The following KPNA7 variants were observed in gnomAD, a reference collection of about 807,000 sequenced individuals.
KPNA7 encodes importin subunit alpha-8.
KPNA7 carries 54 observed loss-of-function variants against 53.7 expected under a neutral mutation model. The ratio of observed to expected loss-of-function variants is 1.01; its 90% confidence interval spans 0.81 to 1.26. The LOEUF is 1.26. KPNA7 is among the 50% of genes most tolerant of loss of function. The probability of loss-of-function intolerance (pLI) is 0.00; values close to 1 mark genes in which losing one functional copy is unlikely to be tolerated. For missense variants in KPNA7, 640 were observed against 644.5 expected (o/e 0.99, Z 0.07); for synonymous variants, 276 against 259.3 (o/e 1.06, Z -0.62).
the KPNA7 span, among the ~76,000 whole-genome samples, chr7:99,160,791 C>T: frequency 5.3e-5 from 8 of 152,180 alleles, no homozygotes; most frequent in African/African-American, 1.9e-4. Flanking sequence ...TCCCAATGAC[C>T]TCTGTCTTCT....
At chr7:99,171,311 T>TA (rs1798765264), downstream of KPNA7, among the ~76,000 whole-genome samples, 1 of 152,182 alleles carries the variant, frequency 6.6e-6, no homozygotes, top group African/African-American at 2.4e-5. Flanking sequence ...AGATACATAT[T>TA]AAAAGCCAGT....
At chr7:99,169,437 T>C (rs528258736), downstream of KPNA7, among the ~76,000 whole-genome samples, 55 of 151,538 alleles carry the variant, frequency 3.6e-4, no homozygotes, top group South Asian at 0.011. Context: ...CTGGCCAACA[T>C]GGTGAAACCC....
chr7:99,188,948 C>G (rs1789786538), intron 6 of KPNA7, among the ~76,000 whole-genome samples: 1 of 152,068 alleles, frequency 6.6e-6, no homozygotes, highest in African/African-American at 2.4e-5. Context: ...TCCCAACGTG[C>G]TGGGATTACA....
intron 1 of KPNA7, among the ~76,000 whole-genome samples, chr7:99,218,190 T>C (rs1226750653): frequency 1.3e-5 from 2 of 152,152 alleles, no homozygotes; most frequent in African/African-American, 4.8e-5. Flanking sequence ...TGGTAGAGAC[T>C]GGGCCTCGCT....
intron 3 of KPNA7, among the ~76,000 whole-genome samples, chr7:99,200,145 C>T (rs925183972): frequency 6.6e-6 from 1 of 152,184 alleles, no homozygotes; most frequent in African/African-American, 2.4e-5. Flanking sequence ...TCAAGTGATC[C>T]ATCCGCCTCA....
chr7:99,206,317 T>C (rs746874585), intron 2 of KPNA7, among the ~76,000 whole-genome samples: 1 of 151,790 alleles, frequency 6.6e-6, no homozygotes, highest in Non-Finnish European at 1.5e-5. Flanking sequence ...CCCGCCACCA[T>C]GCACATCTAA....
At position 99,186,729 on chromosome 7, in the gene KPNA7, T is replaced by A. The variant is rs568295838; in HGVS notation, c.901-1567A>T. ...CCACACTCCGGCCTTGGCAACAGAG[T>A]GAGACTTTGTCAAAAAACAACAACA... On this transcript the variant is annotated intron_variant, in intron 7 of 10. Coordinates refer to ENST00000327442, the MANE Select transcript of KPNA7 (RefSeq NM_001145715.3). Among the ~76,000 whole-genome samples, 14 of 151,034 alleles carry A rather than the reference T, an allele frequency of 9.3e-5. No homozygotes were observed. The South Asian group carries it at 2.5e-3, about 27-fold the overall frequency.
chr7:99,161,103 G>A, the KPNA7 span, among the ~76,000 whole-genome samples: 553 of 152,152 alleles, frequency 3.6e-3, 2 homozygotes, highest in Non-Finnish European at 4.8e-3. Flanking sequence ...CTCAAGTGAC[G>A]TGCTCACCTC....
intron 3 of KPNA7, among the ~76,000 whole-genome samples, chr7:99,199,125 G>A (rs1027881527): frequency 2.7e-5 from 4 of 145,804 alleles, no homozygotes; most frequent in Non-Finnish European, 5.9e-5. Flanking sequence ...TTCATGGACT[G>A]GAAGACTTAA....
intron 4 of KPNA7, among the ~76,000 whole-genome samples, chr7:99,195,741 C>T (rs906165305): frequency 6.6e-6 from 1 of 152,128 alleles, no homozygotes; most frequent in Non-Finnish European, 1.5e-5. Context: ...ACATAAGCCA[C>T]ATAGCTGGGC....
the KPNA7 span, among the ~76,000 whole-genome samples, chr7:99,167,929 T>C: frequency 0.93 from 139,614 of 149,978 alleles, 65,136 homozygotes; most frequent in East Asian, 1. Context: ...CATTACAATG[T>C]GATAATAAAG....
At chr7:99,158,478 A>G in the KPNA7 span, among the ~76,000 whole-genome samples, 110 of 151,782 alleles carry the variant, frequency 7.2e-4, no homozygotes, top group East Asian at 0.02. Context: ...TCATCTTCCA[A>G]TTCTGTTTTC....
At chr7:99,181,804 G>C in intron 9 of KPNA7, 79 bp downstream of exon 9, 1 of 1,269,876 alleles carries the variant, frequency 7.9e-7, no homozygotes, top group South Asian at 1.8e-5. Context: ...AGTACAACTT[G>C]AATTTTAAGA....
At chr7:99,177,760 G>C (rs1364701125) in intron 10 of KPNA7, among the ~76,000 whole-genome samples, 160 bp downstream of exon 10, 1 of 151,812 alleles carries the variant, frequency 6.6e-6, no homozygotes, top group African/African-American at 2.4e-5. Context: ...ATACAGCAGG[G>C]ATAGGCGAGA....
chr7:99,193,054 G>T lies in KPNA7; in HGVS notation c.601C>A (p.Pro201Thr). ...RDNVITSNAIPHLLALISPTL... is the reference protein window; with the variant it reads ...RDNVITSNAITHLLALISPTL... ...GGTGAAATCAAGGCTAGGAGATGTG[G>T]GATGGCATTGCTTGTGATGACGTTA... Residue 201 changes from proline to threonine, a missense_variant, in exon 6 of 11, where the codon CCA (proline) becomes ACA (threonine). Pro to Thr is a conservative substitution (Grantham distance 38). Coordinates refer to ENST00000327442, the MANE Select transcript of KPNA7 (RefSeq NM_001145715.3). 1 of 1,511,548 alleles carries T rather than the reference G, an allele frequency of 6.6e-7. No individual in the cohort carries two copies. The highest frequency in any genetic ancestry group is 1.3e-5 in the South Asian group (1 of 75,370). The allele number at this position is 1,511,548 out of a possible 1,614,324, so 93.6% of individuals were successfully genotyped here.
At chr7:99,190,670 G>GTTTTTTT (rs768586879) in intron 6 of KPNA7, among the ~76,000 whole-genome samples, 1 of 145,506 alleles carries the variant, frequency 6.9e-6, no homozygotes. Flanking sequence ...TTTTTTTTTG[G>GTTTTTTT]GGGGAGACAG....
At chr7:99,196,853 A>T (rs1790253661) in intron 3 of KPNA7, among the ~76,000 whole-genome samples, 1 of 152,206 alleles carries the variant, frequency 6.6e-6, no homozygotes, top group Non-Finnish European at 1.5e-5. Flanking sequence ...TTTGACTCAG[A>T]GCTTAGTCAG....
At chr7:99,160,251 C>A in the KPNA7 span, among the ~76,000 whole-genome samples, 2 of 152,008 alleles carry the variant, frequency 1.3e-5, no homozygotes, top group Non-Finnish European at 2.9e-5. Context: ...TGGTCTCAAT[C>A]TCCTGACCTC....
chr7:99,198,261 A>G (rs1790329231), intron 3 of KPNA7, among the ~76,000 whole-genome samples: 1 of 152,014 alleles, frequency 6.6e-6, no homozygotes, highest in South Asian at 2.1e-4. Context: ...CAACTTTACA[A>G]AAAAAAATTC....
Sources: gnomAD v4.1 joint callset for allele counts (sites outside exome capture counted in the v4.1 genomes callset) on GRCh38, gnomAD v4.1.1 for gene constraint, MANE v1.5 for transcripts, NCBI Gene and HGNC (gene_info 2026-07-23, HGNC 2026-07-21) for gene names.